The following FSTL4 variants were observed in gnomAD, a reference collection of about 807,000 sequenced individuals.
FSTL4 encodes the protein follistatin like 4.
Under a neutral mutation model 78.2 loss-of-function variants are expected in FSTL4, and 28 were observed. The ratio of observed to expected loss-of-function variants is 0.36; its 90% confidence interval spans 0.27 to 0.49. The LOEUF (loss-of-function observed/expected upper bound fraction) is 0.49, where lower values mean the gene tolerates loss of function less well. Ranked by LOEUF, FSTL4 falls within the 20% of genes least tolerant of loss-of-function variation. The pLI is 0.98. For synonymous variants in FSTL4, 422 were observed against 440.5 expected, an observed-to-expected ratio of 0.96 and a Z score of 0.53; for missense variants, 922 against 1,084.9, an observed-to-expected ratio of 0.85 and a Z score of 2.11.
chr5:133,830,778 G>A, the FSTL4 span, among the ~76,000 whole-genome samples: 3 of 152,122 alleles, frequency 2.0e-5, no homozygotes, highest in African/African-American at 4.8e-5. Context: ...CAGACTCCGC[G>A]GCACAGCCTG....
At chr5:133,554,653 C>G (rs777074759) in intron 3 of FSTL4, among the ~76,000 whole-genome samples, 7 of 152,204 alleles carry the variant, frequency 4.6e-5, no homozygotes, top group African/African-American at 7.2e-5. Context: ...TCAACCTTGT[C>G]TTCTTGGAAA....
the FSTL4 span, among the ~76,000 whole-genome samples, chr5:133,652,148 T>C: frequency 6.6e-6 from 1 of 152,178 alleles, no homozygotes; most frequent in Admixed American, 6.5e-5. Flanking sequence ...CTGCCTTTTT[T>C]CTTAGCCTGG....
At chr5:133,676,093 G>C in the FSTL4 span, among the ~76,000 whole-genome samples, 1 of 152,338 alleles carries the variant, frequency 6.6e-6, no homozygotes, top group Admixed American at 6.5e-5. Context: ...TTCTGCTGGA[G>C]TAGAGGATTT....
At chr5:133,806,486 C>T in the FSTL4 span, among the ~76,000 whole-genome samples, 1 of 152,212 alleles carries the variant, frequency 6.6e-6, no homozygotes, top group African/African-American at 2.4e-5. Flanking sequence ...GGCAGGCCTC[C>T]TTATCACAGT....
At chr5:133,319,650 A>G (rs1264554071) in intron 4 of FSTL4, among the ~76,000 whole-genome samples, 4 of 152,176 alleles carry the variant, frequency 2.6e-5, no homozygotes, top group African/African-American at 9.6e-5. Flanking sequence ...CAGAGCCTCC[A>G]AGGCCTTGGG....
chr5:133,334,669 G>A (rs1754425258), intron 4 of FSTL4, among the ~76,000 whole-genome samples: 1 of 152,200 alleles, frequency 6.6e-6, no homozygotes, highest in African/African-American at 2.4e-5. Flanking sequence ...ATGTCTGAAA[G>A]ACAGCAGTTG....
intron 3 of FSTL4, among the ~76,000 whole-genome samples, chr5:133,453,704 C>T (rs931471179): frequency 3.3e-5 from 5 of 152,200 alleles, no homozygotes; most frequent in African/African-American, 9.7e-5. Flanking sequence ...AGCAAGGGCA[C>T]TGATCCCCAT....
At chr5:133,504,493 C>G (rs11743579) in intron 3 of FSTL4, among the ~76,000 whole-genome samples, 34,271 of 151,996 alleles carry the variant, frequency 0.23, 4,603 homozygotes, top group East Asian at 0.36. Flanking sequence ...CAGAATAATC[C>G]TTTAAAACTA....
intron 4 of FSTL4, among the ~76,000 whole-genome samples, chr5:133,328,629 G>A (rs964320964): frequency 6.6e-6 from 1 of 152,150 alleles, no homozygotes; most frequent in Non-Finnish European, 1.5e-5. Flanking sequence ...CATTCCTTGT[G>A]GAAGGTGGGC....
chr5:133,819,899 G>C, the FSTL4 span, among the ~76,000 whole-genome samples: 2 of 152,132 alleles, frequency 1.3e-5, no homozygotes, highest in East Asian at 3.9e-4. Flanking sequence ...GGGCTGCTGC[G>C]TTTAGTCCTC....
chr5:133,579,775 G>T (rs998641893), intron 2 of FSTL4, among the ~76,000 whole-genome samples: 1 of 152,192 alleles, frequency 6.6e-6, no homozygotes, highest in African/African-American at 2.4e-5. Context: ...AAGGAAGAAA[G>T]TGTGCCCTCC....
intron 4 of FSTL4, among the ~76,000 whole-genome samples, chr5:133,398,060 A>G (rs1315706926): frequency 6.6e-6 from 1 of 151,990 alleles, no homozygotes; most frequent in African/African-American, 2.4e-5. Flanking sequence ...CTCTGTCCCC[A>G]CAGAGGTTCC....
chr5:133,737,129 C>T, the FSTL4 span, among the ~76,000 whole-genome samples: 1,026 of 151,990 alleles, frequency 6.8e-3, 14 homozygotes, highest in African/African-American at 0.024. Context: ...TTATTATTGA[C>T]CATAGTCACC....
intron 3 of FSTL4, among the ~76,000 whole-genome samples, chr5:133,534,175 A>G (rs1025377473): frequency 2.6e-5 from 4 of 152,136 alleles, no homozygotes; most frequent in African/African-American, 9.7e-5. Flanking sequence ...AAAAAAAACC[A>G]AATAAGTAAA....
chr5:133,651,643 AT>A, the FSTL4 span, among the ~76,000 whole-genome samples: 234 of 149,038 alleles, frequency 1.6e-3, 1 homozygote, highest in Middle Eastern at 7.0e-3. Context: ...TGATTTGCTT[AT>A]TTTTTTTTTG....
At chr5:133,724,300 C>T in the FSTL4 span, among the ~76,000 whole-genome samples, 2 of 152,154 alleles carry the variant, frequency 1.3e-5, no homozygotes, top group Admixed American at 6.5e-5. Context: ...AAAGGAGTCC[C>T]TCTTGGTTCC....
the FSTL4 span, among the ~76,000 whole-genome samples, chr5:133,792,161 T>C: frequency 6.6e-6 from 1 of 152,138 alleles, no homozygotes; most frequent in East Asian, 1.9e-4. Context: ...CCTCATGACA[T>C]GTCTCCATGA....
At chr5:133,349,501 G>T (rs555987450) in intron 4 of FSTL4, among the ~76,000 whole-genome samples, 2 of 152,064 alleles carry the variant, frequency 1.3e-5, no homozygotes, top group Non-Finnish European at 2.9e-5. Flanking sequence ...GACTGTAAAG[G>T]ATCCATAGGA....
In FSTL4 at chr5:133,241,093, C is replaced by G. The variant is rs543878783; in HGVS notation, c.895-7556G>C. 3.9e-5 allele frequency among the ~76,000 whole-genome samples: 6 copies of G among 152,360 alleles called. No homozygotes were observed. The East Asian group carries it at 1.2e-3, about 29-fold the overall frequency. ...CTTCTCTGGGAAATTGACACTGTGA[C>G]AGTGACATGTCTGTGACTCCACTGG... is the stretch of plus-strand genomic sequence containing the variant. On this transcript the variant is annotated intron_variant, in intron 7 of 15. Coordinates refer to ENST00000265342, the MANE Select transcript of FSTL4 (RefSeq NM_015082.2).
Sources: allele counts gnomAD v4.1 joint callset (sites outside exome capture counted in the v4.1 genomes callset), GRCh38; gene constraint gnomAD v4.1.1; transcripts MANE v1.5; gene names NCBI Gene and HGNC (gene_info 2026-07-23, HGNC 2026-07-21).